The following SCHIP1 variants were observed in gnomAD, a reference collection of about 807,000 sequenced individuals.
The protein encoded by SCHIP1 is schwannomin-interacting protein 1.
In SCHIP1, 8 loss-of-function variants were observed where a neutral mutation model predicts 29.7. The observed-to-expected ratio is 0.27, with a 90% CI of 0.16 to 0.49. The LOEUF (loss-of-function observed/expected upper bound fraction) is 0.49, where lower values mean the gene tolerates loss of function less well. Among genes scored for constraint, SCHIP1 ranks in the 20% least tolerant of loss-of-function variants. The probability of loss-of-function intolerance (pLI) is 0.99; values close to 1 mark genes in which losing one functional copy is unlikely to be tolerated. For missense variants in SCHIP1, 193 were observed against 294.6 expected (o/e 0.66, Z 2.52); for synonymous variants, 76 against 94.9 (o/e 0.80, Z 1.16).
chr3:159,433,122 C>A, the SCHIP1 span, among the ~76,000 whole-genome samples: 1 of 152,132 alleles, frequency 6.6e-6, no homozygotes, highest in Non-Finnish European at 1.5e-5. Context: ...ATTGTGTATG[C>A]AAGGGTAAGC....
the SCHIP1 span, among the ~76,000 whole-genome samples, chr3:159,711,193 C>A: frequency 7.2e-6 from 1 of 139,358 alleles, no homozygotes; most frequent in African/African-American, 3.2e-5. Flanking sequence ...GAATAATATT[C>A]TTTAAGAAAT....
At chr3:159,316,475 C>T in the SCHIP1 span, among the ~76,000 whole-genome samples, 21 of 152,120 alleles carry the variant, frequency 1.4e-4, no homozygotes, top group Non-Finnish European at 2.9e-4. Context: ...CCTTCCCCAG[C>T]CCACTGACTC....
At chr3:159,522,386 C>T in the SCHIP1 span, among the ~76,000 whole-genome samples, 1 of 152,140 alleles carries the variant, frequency 6.6e-6, no homozygotes, top group African/African-American at 2.4e-5. Context: ...TCAAGATGTC[C>T]TATATAAAGT....
the SCHIP1 span, among the ~76,000 whole-genome samples, chr3:159,555,196 A>G: frequency 6.6e-6 from 1 of 152,254 alleles, no homozygotes; most frequent in East Asian, 1.9e-4. Context: ...TCTGACTACC[A>G]AAAGATACAA....
chr3:159,627,945 G>C, the SCHIP1 span, among the ~76,000 whole-genome samples: 2 of 152,192 alleles, frequency 1.3e-5, no homozygotes, highest in African/African-American at 4.8e-5. Context: ...CTGGAGGAAA[G>C]GGTTGGGCTT....
chr3:159,778,314 T>C, the SCHIP1 span, among the ~76,000 whole-genome samples: 1 of 149,406 alleles, frequency 6.7e-6, no homozygotes, highest in African/African-American at 2.6e-5. Flanking sequence ...TTTATATTAG[T>C]TTTTTTTTAA....
chr3:159,779,371 T>C, the SCHIP1 span, among the ~76,000 whole-genome samples: 3 of 152,100 alleles, frequency 2.0e-5, no homozygotes, highest in Non-Finnish European at 4.4e-5. Flanking sequence ...TTGTTGCCAA[T>C]AGAAGGATGT....
chr3:159,696,839 G>C, the SCHIP1 span, among the ~76,000 whole-genome samples: 2 of 151,714 alleles, frequency 1.3e-5, no homozygotes, highest in African/African-American at 4.8e-5. Flanking sequence ...AGAAATGAGA[G>C]AGCACATGCA....
At chr3:159,834,196 C>T in the SCHIP1 span, among the ~76,000 whole-genome samples, 1 of 152,184 alleles carries the variant, frequency 6.6e-6, no homozygotes, top group Non-Finnish European at 1.5e-5. Context: ...CTATGTCAGA[C>T]ATTGGGGATA....
chr3:159,837,765 T>C (rs1743811431), upstream of SCHIP1, among the ~76,000 whole-genome samples: 1 of 152,086 alleles, frequency 6.6e-6, no homozygotes. Context: ...GGTGGTTGTA[T>C]TGCAAGGCAC....
At chr3:159,866,356 A>G (rs1289365690) in intron 2 of SCHIP1, 75 bp downstream of exon 3, 38 of 1,416,868 alleles carry the variant, frequency 2.7e-5, no homozygotes, top group Non-Finnish European at 3.7e-5. Context: ...AATAAAAAAA[A>G]GCCTTTAAAT....
At chr3:159,573,796 C>A in the SCHIP1 span, among the ~76,000 whole-genome samples, 1 of 152,086 alleles carries the variant, frequency 6.6e-6, no homozygotes, top group East Asian at 1.9e-4. Flanking sequence ...TTCTTGGAGG[C>A]TTTGTTCGTT....
the SCHIP1 span, among the ~76,000 whole-genome samples, chr3:159,571,519 G>A: frequency 1.3e-5 from 2 of 152,184 alleles, no homozygotes; most frequent in Non-Finnish European, 2.9e-5. Context: ...TGTGCTGCTG[G>A]ATTCGGTTTG....
the SCHIP1 span, among the ~76,000 whole-genome samples, chr3:159,770,776 A>G: frequency 6.6e-6 from 1 of 152,206 alleles, no homozygotes; most frequent in Non-Finnish European, 1.5e-5. Context: ...ACCTCCCTTC[A>G]GGTGGCTGGG....
the SCHIP1 span, among the ~76,000 whole-genome samples, chr3:159,791,225 C>T: frequency 1.3e-5 from 2 of 152,148 alleles, no homozygotes; most frequent in Non-Finnish European, 2.9e-5. Context: ...CATATCAGCC[C>T]AGGGGCCCAT....
At chr3:159,542,806 C>A in the SCHIP1 span, among the ~76,000 whole-genome samples, 2 of 151,988 alleles carry the variant, frequency 1.3e-5, no homozygotes, top group Non-Finnish European at 2.9e-5. Context: ...GCTATGCCTC[C>A]CACTGAATGA....
the SCHIP1 span, among the ~76,000 whole-genome samples, chr3:159,374,106 G>C: frequency 2.6e-5 from 4 of 151,964 alleles, no homozygotes; most frequent in Non-Finnish European, 5.9e-5. Flanking sequence ...TAAAATCATA[G>C]CTTTACACAT....
the SCHIP1 span, among the ~76,000 whole-genome samples, chr3:159,528,645 G>A: frequency 6.6e-6 from 1 of 152,136 alleles, no homozygotes; most frequent in Non-Finnish European, 1.5e-5. Flanking sequence ...TTGGAGAACA[G>A]TTCGTTTTTT....
the SCHIP1 span, among the ~76,000 whole-genome samples, chr3:159,316,617 A>G: frequency 1.3e-5 from 2 of 152,326 alleles, no homozygotes; most frequent in South Asian, 4.2e-4. Flanking sequence ...ACCTGTACAC[A>G]TCTCTTGAGA....
Sources: gnomAD v4.1 joint callset for allele counts (sites outside exome capture counted in the v4.1 genomes callset) on GRCh38, gnomAD v4.1.1 for gene constraint, MANE v1.5 for transcripts, NCBI Gene and HGNC (gene_info 2026-07-23, HGNC 2026-07-21) for gene names.